The following MGAT4C variants were observed in gnomAD, a reference collection of about 807,000 sequenced individuals.
The protein encoded by MGAT4C is MGAT4 family member C.
MGAT4C carries 19 observed loss-of-function variants against 40.1 expected under a neutral mutation model. That is an observed-to-expected ratio of 0.47 (90% CI 0.33 to 0.70). MGAT4C has a LOEUF of 0.70. MGAT4C is among the 30% of genes least tolerant of loss of function. MGAT4C has a pLI of 0.02. For synonymous variants in MGAT4C, 181 were observed against 187.1 expected (o/e 0.97, Z 0.27); for missense variants, 491 against 563.2 (o/e 0.87, Z 1.30).
intron 2 of MGAT4C, among the ~76,000 whole-genome samples, chr12:86,026,921 C>T (rs1450375861): frequency 1.3e-5 from 2 of 152,014 alleles, no homozygotes; most frequent in South Asian, 2.1e-4. Flanking sequence ...ATTTGTGTAT[C>T]GTACCATTTA....
At position 86,021,288 on chromosome 12, in the gene MGAT4C, C is replaced by A. The variant is rs559636897; in HGVS notation, c.-7+28386G>T. ...ATGCTGCTATAAAGACACATGCACA[C>A]GTATGTTTATTGCGGCACTATTCAC... is the stretch of plus-strand genomic sequence containing the variant. On this transcript the variant is annotated intron_variant, in intron 2 of 4. Transcript: ENST00000611864. Among the ~76,000 whole-genome samples the A allele has an allele frequency of 8.0e-3, 1,221 of 152,096 alleles. 8 individuals carry two copies. The highest frequency in any genetic ancestry group is 0.011 in the Non-Finnish European group (753 of 68,010).
At chr12:86,493,165 G>C (rs1179988818) in intron 2 of MGAT4C, among the ~76,000 whole-genome samples, 1 of 150,880 alleles carries the variant, frequency 6.6e-6, no homozygotes, top group Admixed American at 6.6e-5. Flanking sequence ...TGTAGAGGAT[G>C]TGGAGAAATA....
At chr12:86,667,799 G>C (rs1964153412) in intron 2 of MGAT4C, among the ~76,000 whole-genome samples, 1 of 152,106 alleles carries the variant, frequency 6.6e-6, no homozygotes, top group Admixed American at 6.5e-5. Flanking sequence ...TTGCAGGTTG[G>C]ACAAACAATA....
chr12:86,832,404 T>C (rs1952947069), intron 1 of MGAT4C, among the ~76,000 whole-genome samples: 1 of 151,860 alleles, frequency 6.6e-6, no homozygotes, highest in Admixed American at 6.6e-5. Flanking sequence ...AGATTTTCTA[T>C]AAGTCTGACG....
intron 1 of MGAT4C, among the ~76,000 whole-genome samples, chr12:86,733,145 T>C (rs1193485746): frequency 6.6e-6 from 1 of 152,056 alleles, no homozygotes; most frequent in Non-Finnish European, 1.5e-5. Flanking sequence ...TAGAGAGAAA[T>C]ACTTAAAAAC....
At chr12:86,394,507 T>G (rs1037698740) in intron 3 of MGAT4C, among the ~76,000 whole-genome samples, 1 of 145,980 alleles carries the variant, frequency 6.9e-6, no homozygotes, top group African/African-American at 2.5e-5. Flanking sequence ...ATATATTTTT[T>G]AAATATTTAT....
At chr12:86,470,676 G>A (rs542525815) in intron 2 of MGAT4C, among the ~76,000 whole-genome samples, 5 of 152,172 alleles carry the variant, frequency 3.3e-5, no homozygotes, top group Non-Finnish European at 7.4e-5. Context: ...TAGGCAAAGG[G>A]CATATTTTAA....
At chr12:86,516,764 A>G (rs992979844) in intron 2 of MGAT4C, among the ~76,000 whole-genome samples, 3 of 152,214 alleles carry the variant, frequency 2.0e-5, no homozygotes, top group African/African-American at 7.2e-5. Context: ...TTAATCAAAA[A>G]TCACATGAAA....
At chr12:86,333,728 G>A (rs117131944) in intron 4 of MGAT4C, among the ~76,000 whole-genome samples, 1 of 152,078 alleles carries the variant, frequency 6.6e-6, no homozygotes, top group African/African-American at 2.4e-5. Flanking sequence ...TTAAAAAAAG[G>A]CATGGAAAAT....
intron 3 of MGAT4C, among the ~76,000 whole-genome samples, chr12:86,375,174 A>G (rs994252492): frequency 6.6e-6 from 1 of 152,156 alleles, no homozygotes; most frequent in Non-Finnish European, 1.5e-5. Flanking sequence ...CAGTATTTCT[A>G]AGCCTCCTTT....
chr12:86,435,932 T>G (rs1484900822), intron 2 of MGAT4C, among the ~76,000 whole-genome samples: 2 of 151,886 alleles, frequency 1.3e-5, no homozygotes, highest in Non-Finnish European at 2.9e-5. Flanking sequence ...ATTAACTCAT[T>G]ATAACTACAA....
intron 2 of MGAT4C, among the ~76,000 whole-genome samples, chr12:86,613,923 A>C (rs2136478887): frequency 6.6e-6 from 1 of 152,176 alleles, no homozygotes; most frequent in East Asian, 1.9e-4. Context: ...CATAAATTGA[A>C]AGACATAAAA....
chr12:86,114,209 C>T (rs577268149), intron 1 of MGAT4C, among the ~76,000 whole-genome samples: 8 of 151,916 alleles, frequency 5.3e-5, no homozygotes, highest in Admixed American at 3.9e-4. Flanking sequence ...TCTGGCCTCA[C>T]GTTCTGCTCT....
chr12:86,008,210 T>C (rs1888094103), intron 2 of MGAT4C, among the ~76,000 whole-genome samples: 1 of 152,012 alleles, frequency 6.6e-6, no homozygotes. Flanking sequence ...CAATTTCTAC[T>C]GAAAAACTAT....
chr12:86,335,308 C>A (rs575049562), intron 3 of MGAT4C, among the ~76,000 whole-genome samples: 2 of 152,194 alleles, frequency 1.3e-5, no homozygotes, highest in South Asian at 4.1e-4. Flanking sequence ...TGTAAATCTT[C>A]TCTCTGCACC....
intron 1 of MGAT4C, among the ~76,000 whole-genome samples, chr12:86,140,495 C>A (rs1882675787): frequency 6.6e-6 from 1 of 151,940 alleles, no homozygotes; most frequent in Admixed American, 6.6e-5. Flanking sequence ...ACATCACACA[C>A]CGGGGCCTGT....
chr12:86,344,853 G>A (rs1954993746), intron 3 of MGAT4C, among the ~76,000 whole-genome samples: 1 of 151,316 alleles, frequency 6.6e-6, no homozygotes, highest in Non-Finnish European at 1.5e-5. Flanking sequence ...TAATACATGT[G>A]ACATATTGAC....
At chr12:86,337,933 C>T (rs1202861879) in intron 3 of MGAT4C, among the ~76,000 whole-genome samples, 2 of 152,006 alleles carry the variant, frequency 1.3e-5, no homozygotes, top group Non-Finnish European at 2.9e-5. Context: ...GCCAATCAAT[C>T]GAGTGGATGA....
chr12:86,405,030 T>C (rs1005638738), intron 3 of MGAT4C, among the ~76,000 whole-genome samples: 1 of 151,884 alleles, frequency 6.6e-6, no homozygotes, highest in Non-Finnish European at 1.5e-5. Context: ...AGGGGTGAAA[T>C]TACATAAAAG....
Sources: gnomAD v4.1 joint callset for allele counts (sites outside exome capture counted in the v4.1 genomes callset) on GRCh38, gnomAD v4.1.1 for gene constraint, MANE v1.5 for transcripts, NCBI Gene and HGNC (gene_info 2026-07-23, HGNC 2026-07-21) for gene names.